Variants in SH3GL3 observed in about 807,000 individuals in gnomAD.
SH3GL3 encodes the protein endophilin-A3.
Under a neutral mutation model 47.7 loss-of-function variants are expected in SH3GL3, and 33 were observed. The observed-to-expected ratio is 0.69, with a 90% CI of 0.52 to 0.92. The LOEUF (loss-of-function observed/expected upper bound fraction) is 0.92. SH3GL3 is among the 40% of genes least tolerant of loss of function. The pLI is 0.00. For missense variants in SH3GL3, 363 were observed against 417.8 expected (o/e 0.87, Z 1.14); for synonymous variants, 155 against 148.8 (o/e 1.04, Z -0.30).
At chr15:83,608,876 G>C (rs760703077) in intron 8 of SH3GL3, among the ~76,000 whole-genome samples, 3 of 152,006 alleles carry the variant, frequency 2.0e-5, no homozygotes, top group Non-Finnish European at 4.4e-5. Context: ...CCTGACTGGG[G>C]CATGGACTCC....
chr15:83,525,696 G>T (rs1402949144), intron 1 of SH3GL3, among the ~76,000 whole-genome samples: 1 of 152,046 alleles, frequency 6.6e-6, no homozygotes, highest in Non-Finnish European at 1.5e-5. Flanking sequence ...TTGATTTTGG[G>T]ATATGGTGAG....
At chr15:83,586,928 C>G (rs2059969702) in intron 6 of SH3GL3, 55 bp from the exon 7 acceptor site, 2 of 918,148 alleles carry the variant, frequency 2.2e-6, no homozygotes, top group Non-Finnish European at 3.4e-6. Flanking sequence ...TCCTCTCTCT[C>G]TGGACATTAC....
downstream of SH3GL3, among the ~76,000 whole-genome samples, chr15:83,622,310 GTGTC>G (rs2060917352): frequency 6.6e-6 from 1 of 152,110 alleles, no homozygotes; most frequent in Non-Finnish European, 1.5e-5. Flanking sequence ...ATCCCACAAT[GTGTC>G]TGTTCATGTA....
At chr15:83,490,692 C>A in intron 1 of SH3GL3, 2 of 1,384,388 alleles carry the variant, frequency 1.4e-6, no homozygotes, top group Non-Finnish European at 2.0e-6. Flanking sequence ...TCAGGGAAAA[C>A]AGACCAAGCT....
At chr15:83,600,971 T>G (rs1306350820) in intron 8 of SH3GL3, among the ~76,000 whole-genome samples, 2 of 152,176 alleles carry the variant, frequency 1.3e-5, no homozygotes, top group Non-Finnish European at 2.9e-5. Flanking sequence ...GGTTGAGTTC[T>G]TGATTTGATT....
At chr15:83,544,922 T>C (rs1225030959) in intron 1 of SH3GL3, among the ~76,000 whole-genome samples, 1 of 152,182 alleles carries the variant, frequency 6.6e-6, no homozygotes. Flanking sequence ...GCTATTTTTT[T>C]CTTTTATCTT....
At chr15:83,519,923 T>C (rs2043136583) in intron 1 of SH3GL3, among the ~76,000 whole-genome samples, 1 of 152,182 alleles carries the variant, frequency 6.6e-6, no homozygotes, top group South Asian at 2.1e-4. Context: ...AACTGTGGAG[T>C]GTCTGAAATT....
chr15:83,474,500 G>A (rs949585806), intron 1 of SH3GL3, among the ~76,000 whole-genome samples: 1 of 152,044 alleles, frequency 6.6e-6, no homozygotes, highest in East Asian at 1.9e-4. Flanking sequence ...ATGATCCACT[G>A]CCAAATGGCT....
At chr15:83,600,733 G>C (rs2060358372) in intron 8 of SH3GL3, among the ~76,000 whole-genome samples, 1 of 151,950 alleles carries the variant, frequency 6.6e-6, no homozygotes, top group African/African-American at 2.4e-5. Context: ...GAAGAATGAT[G>C]GTGGTATTTT....
the SH3GL3 span, among the ~76,000 whole-genome samples, chr15:83,626,572 G>A: frequency 6.6e-6 from 1 of 152,188 alleles, no homozygotes; most frequent in African/African-American, 2.4e-5. Flanking sequence ...TTGGTTTCCA[G>A]ATTTCTTATC....
At chr15:83,453,430 C>A (rs1315480593) in intron 1 of SH3GL3, among the ~76,000 whole-genome samples, 1 of 99,128 alleles carries the variant, frequency 1.0e-5, no homozygotes, top group Non-Finnish European at 2.0e-5. Flanking sequence ...GTGAATCCAT[C>A]TGGTCCTGGA....
At chr15:83,582,001 G>T (rs2059840478) in intron 6 of SH3GL3, among the ~76,000 whole-genome samples, 1 of 152,312 alleles carries the variant, frequency 6.6e-6, no homozygotes, top group Non-Finnish European at 1.5e-5. Context: ...AGGCCAAGTT[G>T]GGCTTGGCAG....
intron 8 of SH3GL3, among the ~76,000 whole-genome samples, chr15:83,598,554 A>G (rs1253766749): frequency 6.6e-6 from 1 of 152,260 alleles, no homozygotes; most frequent in Non-Finnish European, 1.5e-5. Context: ...ATTGTGCCAT[A>G]TTAATGGAAA....
intron 8 of SH3GL3, among the ~76,000 whole-genome samples, chr15:83,592,637 C>G (rs2060137708): frequency 6.6e-6 from 1 of 152,200 alleles, no homozygotes; most frequent in Admixed American, 6.5e-5. Flanking sequence ...CCCATCTACC[C>G]CTTCTGTTCT....
At chr15:83,479,547 G>T (rs1016964021) in intron 1 of SH3GL3, among the ~76,000 whole-genome samples, 3 of 152,182 alleles carry the variant, frequency 2.0e-5, no homozygotes, top group African/African-American at 7.2e-5. Context: ...CCCAGCAAAG[G>T]CAGGAAGCTG....
At chr15:83,559,151 A>C (rs547059662) in intron 1 of SH3GL3, 102 bp from the exon 2 acceptor site, 1 of 696,578 alleles carries the variant, frequency 1.4e-6, no homozygotes, top group Admixed American at 2.7e-5. Context: ...AAAATCCAAC[A>C]AGTTGAATCC....
intron 4 of SH3GL3, 76 bp downstream of exon 4, chr15:83,568,748 G>A (rs2045677580): frequency 1.9e-6 from 2 of 1,055,472 alleles, no homozygotes; most frequent in Non-Finnish European, 2.8e-6. Flanking sequence ...AAACCCTTCA[G>A]TCTAACAACC....
At chr15:83,519,539 T>A (rs1237355707) in intron 1 of SH3GL3, among the ~76,000 whole-genome samples, 1 of 152,238 alleles carries the variant, frequency 6.6e-6, no homozygotes, top group Non-Finnish European at 1.5e-5. Flanking sequence ...TTACTGAAGT[T>A]GCTTATCAGT....
intron 1 of SH3GL3, among the ~76,000 whole-genome samples, chr15:83,459,569 T>C (rs187647278): frequency 3.9e-5 from 6 of 152,322 alleles, no homozygotes; most frequent in African/African-American, 1.4e-4. Context: ...AGAATATTGA[T>C]CTACGCCTAG....
Sources: gnomAD v4.1 joint callset for allele counts (sites outside exome capture counted in the v4.1 genomes callset) on GRCh38, gnomAD v4.1.1 for gene constraint, MANE v1.5 for transcripts, NCBI Gene and HGNC (gene_info 2026-07-23, HGNC 2026-07-21) for gene names.